Variants in DUSP8 observed in about 807,000 individuals in gnomAD.
DUSP8 encodes the protein dual specificity phosphatase 8.
DUSP8 carries 15 observed loss-of-function variants against 38.7 expected under a neutral mutation model. The ratio of observed to expected loss-of-function variants is 0.39; its 90% CI spans 0.26 to 0.60. The LOEUF (loss-of-function observed/expected upper bound fraction) is 0.60, where lower values mean the gene tolerates loss of function less well. Among genes scored for constraint, DUSP8 ranks in the 20% least tolerant of loss-of-function variants. The probability of loss-of-function intolerance (pLI) is 0.56; values close to 1 mark genes in which losing one functional copy is unlikely to be tolerated. For synonymous variants in DUSP8, 458 were observed against 433.9 expected (o/e 1.06, Z -0.69); for missense variants, 768 against 915.0 (o/e 0.84, Z 2.07).
intron 3 of DUSP8, among the ~76,000 whole-genome samples, 197 bp downstream of exon 3, chr11:1,563,654 C>T (rs1379605314): frequency 6.6e-6 from 1 of 152,154 alleles, no homozygotes; most frequent in Non-Finnish European, 1.5e-5. Context: ...GTGAGGTTTC[C>T]TTCTGTGTTG....
chr11:1,557,107 CCCGACG>C lies in DUSP8; in HGVS notation c.1283_1288del (p.Pro428_Gly430delinsArg). 1 of 1,372,950 alleles carries C rather than the reference CCCGACG, an allele frequency of 7.3e-7. No homozygotes were observed. The highest frequency in any genetic ancestry group is 9.3e-7 in the Non-Finnish European group (1 of 1,072,140). The allele number at this position is 1,372,950 out of a possible 1,614,324, so 85.0% of individuals were successfully genotyped here. ...GGGCGAGGACAGGCCCAGCGCGGCC[CCCGACG>C]GGCTGTCCAGCTTGCAGAGCTTCGG... On this transcript the variant is annotated inframe_deletion, in exon 7 of 7. Coordinates refer to ENST00000397374, the MANE Select transcript of DUSP8 (RefSeq NM_004420.3). The surrounding 1 kb of genome is among the most constrained non-coding windows in gnomAD (Gnocchi z 9.9).
At chr11:1,572,513 C>A (rs1848923758), upstream of DUSP8, among the ~76,000 whole-genome samples, 2 of 151,550 alleles carry the variant, frequency 1.3e-5, no homozygotes, top group South Asian at 4.1e-4. This position sits in a 1 kb window ranked among gnomAD's most constrained non-coding sequence, Gnocchi z 4.7. Flanking sequence ...CTTAAAGGGA[C>A]CACGCGGCGT....
At position 1,559,074 on chromosome 11, in the gene DUSP8, C is replaced by T; in HGVS notation, c.371-19G>A. 1 of 1,605,734 alleles carries T rather than the reference C, an allele frequency of 6.2e-7. No homozygotes were observed. Among genetic ancestry groups the T allele is most frequent in the Non-Finnish European group, 8.5e-7 (1 of 1,178,364 alleles). On this transcript the variant is annotated intron_variant, in intron 3 of 6. Coordinates refer to ENST00000397374, the MANE Select transcript of DUSP8 (RefSeq NM_004420.3). ...AAGCCCCCTGTAGGAGGAGGGCCGTCAAGTGGGTTGAGAGAACACCTAGGG... is the reference window on the plus strand; with the variant it reads ...AAGCCCCCTGTAGGAGGAGGGCCGTTAAGTGGGTTGAGAGAACACCTAGGG...
chr11:1,558,361 G>A lies in DUSP8; in HGVS notation c.538-90C>T. ...GGCTTTTCCTGCCCTGCCGTCAGGA[G>A]GGCCTTTAGAATCCTGGGAGCCTTG... On this transcript the variant is annotated intron_variant, in intron 4 of 6. Transcript: ENST00000397374. This position sits in a 1 kb window ranked among gnomAD's most constrained non-coding sequence, Gnocchi z 6.3. 8.7e-7 allele frequency: 1 copy of A among 1,144,360 alleles called. No homozygotes were observed. Among genetic ancestry groups the A allele is most frequent in the South Asian group, 1.5e-5 (1 of 66,868 alleles). The allele number at this position is 1,144,360 out of a possible 1,614,324, so 70.9% of individuals were successfully genotyped here. A position where few individuals can be genotyped will look rare whatever the true frequency, so the allele number is the denominator to read the frequency against.
chr11:1,558,041 G>T lies in DUSP8; in HGVS notation c.697+71C>A. On this transcript the variant is annotated intron_variant, in intron 5 of 6. Transcript: ENST00000397374. This position sits in a 1 kb window ranked among gnomAD's most constrained non-coding sequence, Gnocchi z 6.3. ...CGGCTACTTCCTGGGGACCCCTCCT[G>T]TGTCTGTGGCCACACACAGCTCTAG... is the stretch of plus-strand genomic sequence containing the variant. 1 of 1,610,318 alleles carries T rather than the reference G, an allele frequency of 6.2e-7. No homozygotes were observed. The highest frequency in any genetic ancestry group is 1.1e-5 in the South Asian group (1 of 90,982).
Position 1,557,011 on chromosome 11 carries a change from CCG to C in DUSP8, c.1383_1384del (p.Gly462LeufsTer103). On this transcript the variant is annotated frameshift_variant, in exon 7 of 7. Transcript: ENST00000397374. LOFTEE classifies it high-confidence loss of function. This position sits in a 1 kb window ranked among gnomAD's most constrained non-coding sequence, Gnocchi z 9.9. Reference sequence around the variant, plus strand: ...GTGCGCGGGGGAGCGCGCGGGGGAGCCGGCGGGGGGCCGGGGCCGCCGGCGGG... The same window carrying C: ...GTGCGCGGGGGAGCGCGCGGGGGAGCGCGGGGGGCCGGGGCCGCCGGCGGG... The C allele has an allele frequency of 9.8e-7, 1 of 1,023,060 alleles. No individual in the cohort carries two copies. Among genetic ancestry groups the C allele is most frequent in the Non-Finnish European group, 1.2e-6 (1 of 857,094 alleles). The allele number at this position is 1,023,060 out of a possible 1,614,324, so 63.4% of individuals were successfully genotyped here.
rs1848621804 is a variant in DUSP8, at chr11:1,556,298, T to A, written c.*220A>T. On this transcript the variant is annotated 3_prime_UTR_variant, in exon 7 of 7. Transcript: ENST00000397374. The surrounding 1 kb of genome is among the most constrained non-coding windows in gnomAD (Gnocchi z 5.2). ...TGGCCTCGTATTGCTTAGAAACGTA[T>A]GTTTCAGTTTAAATACCAGACAGTA... The A allele has an allele frequency of 1.7e-6, 1 of 578,972 alleles. No homozygotes were observed. Among genetic ancestry groups the A allele is most frequent in the Admixed American group, 4.5e-5 (1 of 22,294 alleles). 35.9% of individuals were successfully genotyped at this position (578,972 alleles called of 1,614,324 possible). A position where few individuals can be genotyped will look rare whatever the true frequency, so the allele number is the denominator to read the frequency against.
intron 1 of DUSP8, among the ~76,000 whole-genome samples, chr11:1,566,783 C>T (rs1037176488): frequency 1.2e-4 from 18 of 152,230 alleles, no homozygotes; most frequent in Middle Eastern, 3.4e-3. Context: ...GGGTCAGTGT[C>T]GGGGACCCCG....
rs1381773811 is a variant in DUSP8 at position 1,556,846 on chromosome 11, G to A, written c.1550C>T (p.Thr517Met). The change falls in exon 7 of 7, where the codon ACG (threonine) becomes ATG (methionine). Residue 517 changes from threonine (T) to methionine (M), a missense_variant. Thr to Met is a moderately conservative substitution (Grantham distance 81). Transcript: ENST00000397374. This position sits in a 1 kb window ranked among gnomAD's most constrained non-coding sequence, Gnocchi z 5.2. ...GCACCAGGGCCCGTCGGGCGACGGC[G>A]TGCCTGGGGAGTCGAGCGGCGGTGC... is the stretch of plus-strand genomic sequence containing the variant. ...AWAPPLDSPGTPSPDGPWCFS... is the reference protein window; with the variant it reads ...AWAPPLDSPGMPSPDGPWCFS... The A allele has an allele frequency of 1.7e-6, 2 of 1,144,778 alleles. No homozygotes were observed. Among genetic ancestry groups the A allele is most frequent in the Non-Finnish European group, 2.1e-6 (2 of 932,626 alleles). 70.9% of individuals were successfully genotyped at this position (1,144,778 alleles called of 1,614,324 possible). A position where few individuals can be genotyped will look rare whatever the true frequency, so the allele number is the denominator to read the frequency against.
At chr11:1,559,534 T>A (rs1848686884) in intron 3 of DUSP8, 1 of 153,446 alleles carries the variant, frequency 6.5e-6, no homozygotes, top group African/African-American at 2.4e-5. Flanking sequence ...ACTGATGCAA[T>A]GCCTCCCTGC....
chr11:1,562,674 C>T (rs570821428), intron 3 of DUSP8, among the ~76,000 whole-genome samples: 1 of 144,860 alleles, frequency 6.9e-6, no homozygotes, highest in Non-Finnish European at 1.5e-5. Context: ...CATGCACACA[C>T]ATACATGCAT....
intron 2 of DUSP8, among the ~76,000 whole-genome samples, chr11:1,564,806 C>T (rs929871193): frequency 2.0e-5 from 3 of 152,160 alleles, no homozygotes; most frequent in African/African-American, 4.8e-5. Flanking sequence ...TTGGGGTGGG[C>T]GGACTCCTGG....
At position 1,554,993 on chromosome 11, in the gene DUSP8, A is replaced by AGGGCGGCTGGCTGGGGCGGGAT. The variant is rs1848599924; in HGVS notation, c.*1503_*1524dup. ...AGAACAAATAGAAGAAACAGCAGAGAGGGCGGCTGGCTGGGGCGGGATGGG... is the reference window on the plus strand; with the variant it reads ...AGAACAAATAGAAGAAACAGCAGAGAGGGCGGCTGGCTGGGGCGGGATGGGCGGCTGGCTGGGGCGGGATGGG... On this transcript the variant is annotated 3_prime_UTR_variant, in exon 7 of 7. Coordinates refer to ENST00000397374, the MANE Select transcript of DUSP8 (RefSeq NM_004420.3). The AGGGCGGCTGGCTGGGGCGGGAT allele has an allele frequency of 5.1e-6, 5 of 986,240 alleles. No homozygotes were observed. Among genetic ancestry groups the AGGGCGGCTGGCTGGGGCGGGAT allele is most frequent in the Non-Finnish European group, 4.8e-6 (4 of 830,284 alleles). The allele number at this position is 986,240 out of a possible 1,614,324, so 61.1% of individuals were successfully genotyped here.
rs1848634294 is a variant in DUSP8, at chr11:1,556,866, C to T, written c.1530G>A (p.Pro510=). The stretch of plus-strand genomic sequence containing the variant: ...ACGGCGTGCCTGGGGAGTCGAGCGG[C>T]GGTGCCCAGGCCCCGGGGCCGGCCG... ...GQPAGPGAWA[P]PLDSPGTPSP... is the part of the protein sequence containing the mutation. Residue 510 remains proline (P), a synonymous_variant, in exon 7 of 7, where the codon CCG becomes CCA. Transcript: ENST00000397374. This position sits in a 1 kb window ranked among gnomAD's most constrained non-coding sequence, Gnocchi z 5.2. 13 of 1,123,288 alleles carry T rather than the reference C, an allele frequency of 1.2e-5. No individual in the cohort carries two copies. The highest frequency in any genetic ancestry group is 5.0e-5 in the African/African-American group (3 of 60,184). 69.6% of individuals were successfully genotyped at this position (1,123,288 alleles called of 1,614,324 possible).
At chr11:1,561,260 G>A (rs544686383) in intron 3 of DUSP8, among the ~76,000 whole-genome samples, 99 of 152,242 alleles carry the variant, frequency 6.5e-4, no homozygotes, top group African/African-American at 2.1e-3. Context: ...CTGGGGCAGC[G>A]CCTGCAGTTC....
Position 1,557,877 on chromosome 11 carries a change from A to G in DUSP8, c.738T>C (p.Cys246=). Residue 246 remains cysteine, a synonymous_variant, in exon 6 of 7, where the codon TGT becomes TGC. Coordinates refer to ENST00000397374, the MANE Select transcript of DUSP8 (RefSeq NM_004420.3). This position sits in a 1 kb window ranked among gnomAD's most constrained non-coding sequence, Gnocchi z 9.9. ...TGGCAGAGCGGGAGATGCCAGCCAG[A>G]CAGTGGACGATGACTTGGCAGCTGG... The part of the protein sequence containing the change: ...KLSSCQVIVH[C]LAGISRSATI... 1.2e-6 allele frequency: 2 copies of G among 1,613,990 alleles called. No homozygotes were observed. Among genetic ancestry groups the G allele is most frequent in the Non-Finnish European group, 1.7e-6 (2 of 1,180,012 alleles).
rs1395971260 is a variant in DUSP8, at chr11:1,556,938, G to T, written c.1458C>A (p.His486Gln). 1.7e-5 allele frequency: 18 copies of T among 1,076,400 alleles called. No homozygotes were observed. The highest frequency in any genetic ancestry group is 2.0e-5 in the Non-Finnish European group (18 of 889,966). 66.7% of individuals were successfully genotyped at this position (1,076,400 alleles called of 1,614,324 possible). ...CGGGCGCCGACAGGGCCGAGAGGCC[G>T]TGCCGCGGAGTCTGCCGGGCCGCAT... Reference protein sequence around the residue: ...FGDAARQTPRHGLSALSAPGL... With the variant: ...FGDAARQTPRQGLSALSAPGL... Residue 486 changes from histidine (H) to glutamine (Q), a missense_variant, in exon 7 of 7, where the codon CAC becomes CAA. Physicochemically the swap from His to Gln is conservative, Grantham distance 24 (BLOSUM62 0). Around this residue, in one of 3 missense-constraint regions of DUSP8, gnomAD observed 474 missense variants for 430.8 expected, o/e 1.10. Coordinates refer to ENST00000397374, the MANE Select transcript of DUSP8 (RefSeq NM_004420.3). This position sits in a 1 kb window ranked among gnomAD's most constrained non-coding sequence, Gnocchi z 5.2.
At chr11:1,564,073 A>T in intron 2 of DUSP8, 84 bp from the exon 3 acceptor site, 1 of 1,354,350 alleles carries the variant, frequency 7.4e-7, no homozygotes, top group South Asian at 1.8e-5. Context: ...GCTCAAGGGA[A>T]TAGTAAGGGC....
In DUSP8 at chr11:1,555,433, C is replaced by T. The variant is rs1351191358; in HGVS notation, c.*1085G>A. On this transcript the variant is annotated 3_prime_UTR_variant, in exon 7 of 7. Coordinates refer to ENST00000397374, the MANE Select transcript of DUSP8 (RefSeq NM_004420.3). Reference sequence around the variant, plus strand: ...GTGAGCAGCACCTGCTCACAGAGCCCCTCAGCCTGCAGGTGCACACCTGAA... The same window carrying T: ...GTGAGCAGCACCTGCTCACAGAGCCTCTCAGCCTGCAGGTGCACACCTGAA... 8 of 986,208 alleles carry T rather than the reference C, an allele frequency of 8.1e-6. No homozygotes were observed. Among genetic ancestry groups the T allele is most frequent in the South Asian group, 4.7e-5 (1 of 21,298 alleles). The allele number at this position is 986,208 out of a possible 1,614,324, so 61.1% of individuals were successfully genotyped here.
Sources: gnomAD v4.1 joint callset for allele counts (sites outside exome capture counted in the v4.1 genomes callset) on GRCh38, gnomAD v4.1.1 for gene constraint, gnomAD v4.1.1 regional missense constraint, Gnocchi (gnomAD v3.1) non-coding constraint, MANE v1.5 for transcripts, NCBI Gene and HGNC (gene_info 2026-07-23, HGNC 2026-07-21) for gene names.